Variants in RB1 observed in about 807,000 individuals in gnomAD.
RB1 encodes the protein RB transcriptional corepressor 1.
Under a neutral mutation model 135.4 loss-of-function variants are expected in RB1, and 18 were observed. The ratio of observed to expected loss-of-function variants is 0.13; its 90% CI spans 0.09 to 0.20. RB1 has a LOEUF of 0.20. Among genes scored for constraint, RB1 ranks in the 10% least tolerant of loss-of-function variants. The pLI is 1.00. For synonymous variants in RB1, 365 were observed against 373.2 expected (o/e 0.98, Z 0.25); for missense variants, 868 against 1,110.0 (o/e 0.78, Z 3.10).
At chr13:48,437,593 G>T (rs1427783668) in intron 17 of RB1, among the ~76,000 whole-genome samples, 1 of 152,174 alleles carries the variant, frequency 6.6e-6, no homozygotes, top group Non-Finnish European at 1.5e-5. Context: ...CACTCGTGTG[G>T]TTGTTGGCAG....
chr13:48,376,096 C>A (rs1215647981), intron 12 of RB1, among the ~76,000 whole-genome samples: 2 of 152,056 alleles, frequency 1.3e-5, no homozygotes, highest in Non-Finnish European at 2.9e-5. Context: ...AGCCCCACTC[C>A]AAATGATACA....
chr13:48,332,713 C>T (rs185055134), intron 2 of RB1, among the ~76,000 whole-genome samples: 1 of 152,170 alleles, frequency 6.6e-6, no homozygotes, highest in Non-Finnish European at 1.5e-5. Flanking sequence ...GACATACACA[C>T]AGACAAAATG....
In RB1 at chr13:48,344,979, G is replaced by C. The variant is rs557707018; in HGVS notation, c.381-101G>C. On this transcript the variant is annotated intron_variant, in intron 3 of 26. Transcript: ENST00000267163. ...AAGGATATAGTAGTGATTTGATGTA[G>C]AGCTGATAATCTTTTGAATTGAAAT... 9.4e-5 allele frequency: 129 copies of C among 1,367,196 alleles called. No individual in the cohort carries two copies. In the South Asian group the frequency reaches 1.6e-3, roughly 17 times the overall value. 84.7% of individuals were successfully genotyped at this position (1,367,196 alleles called of 1,614,324 possible). A position where few individuals can be genotyped will look rare whatever the true frequency, so the allele number is the denominator to read the frequency against.
At chr13:48,347,087 TA>T (rs965937105) in intron 4 of RB1, among the ~76,000 whole-genome samples, 1 of 151,998 alleles carries the variant, frequency 6.6e-6, no homozygotes, top group Non-Finnish European at 1.5e-5. Context: ...CTGTCTGAGA[TA>T]AGGAATCTGC....
chr13:48,392,390 C>T (rs1185535601), intron 17 of RB1, among the ~76,000 whole-genome samples: 2 of 152,198 alleles, frequency 1.3e-5, no homozygotes, highest in Non-Finnish European at 2.9e-5. Flanking sequence ...GGATTACAAG[C>T]ATGAGCCACC....
At chr13:48,412,699 A>C in intron 17 of RB1, 3 of 484,860 alleles carry the variant, frequency 6.2e-6, no homozygotes, top group Non-Finnish European at 1.2e-5. Context: ...CTGACGAGCA[A>C]CCTTTAAAAA....
intron 17 of RB1, among the ~76,000 whole-genome samples, chr13:48,382,716 A>T (rs1372740450): frequency 6.6e-6 from 1 of 152,036 alleles, no homozygotes; most frequent in African/African-American, 2.4e-5. Flanking sequence ...CCATTTGTCA[A>T]TTTTGGCTTT....
chr13:48,462,392 T>C (rs1283156336), intron 20 of RB1, among the ~76,000 whole-genome samples: 1 of 152,160 alleles, frequency 6.6e-6, no homozygotes, highest in Non-Finnish European at 1.5e-5. Context: ...CCCAAAGTGC[T>C]AGGATTACAG....
chr13:48,475,818 G>A (rs1335584178), intron 24 of RB1, among the ~76,000 whole-genome samples: 1 of 152,170 alleles, frequency 6.6e-6, no homozygotes, highest in Non-Finnish European at 1.5e-5. Context: ...TAAAATGTGT[G>A]TTACAAATAG....
At chr13:48,304,841 C>T (rs890323949) in intron 1 of RB1, among the ~76,000 whole-genome samples, 84 of 151,856 alleles carry the variant, frequency 5.5e-4, no homozygotes, top group African/African-American at 2.0e-3. Context: ...TCCATTTTGC[C>T]TTTTGACTTT....
intron 2 of RB1, among the ~76,000 whole-genome samples, chr13:48,329,359 T>C (rs1208843110): frequency 6.6e-6 from 1 of 152,218 alleles, no homozygotes; most frequent in African/African-American, 2.4e-5. Context: ...TACCAAACTT[T>C]GTTTATTAAG....
At chr13:48,387,038 A>G (rs537632331) in intron 17 of RB1, among the ~76,000 whole-genome samples, 2 of 152,348 alleles carry the variant, frequency 1.3e-5, no homozygotes, top group African/African-American at 4.8e-5. Flanking sequence ...AACAGTAACC[A>G]TAATTATCTG....
intron 13 of RB1, among the ~76,000 whole-genome samples, chr13:48,377,678 A>C (rs1230344657): frequency 6.6e-6 from 1 of 152,198 alleles, no homozygotes; most frequent in Non-Finnish European, 1.5e-5. Context: ...TCAGTGTTTT[A>C]AACATTGATA....
At chr13:48,444,662 G>C (rs1949271202) in intron 17 of RB1, 1 of 152,340 alleles carries the variant, frequency 6.6e-6, no homozygotes, top group African/African-American at 2.4e-5. Flanking sequence ...ACACCCTCCA[G>C]AAACCTCCAT....
At chr13:48,418,945 T>C (rs1347549894) in intron 17 of RB1, among the ~76,000 whole-genome samples, 1 of 152,120 alleles carries the variant, frequency 6.6e-6, no homozygotes. Context: ...AGTGGGAGAC[T>C]TTAACACCCC....
chr13:48,376,914 A>G lies in RB1; in HGVS notation c.1216-4A>G, dbSNP rs763895695. 13 of 1,613,408 alleles carry G rather than the reference A, an allele frequency of 8.1e-6. No homozygotes were observed. The highest frequency in any genetic ancestry group is 8.0e-5 in the African/African-American group (6 of 74,896). ...ACATTGATTTCTGTTTTTACCTCCT[A>G]AAGAACTGCACAGTGAATCCAAAAG... On this transcript the variant is annotated splice_region_variant and splice_polypyrimidine_tract_variant and intron_variant, in intron 12 of 26. Coordinates refer to ENST00000267163, the MANE Select transcript of RB1 (RefSeq NM_000321.3).
At chr13:48,425,465 G>A (rs553709687) in intron 17 of RB1, among the ~76,000 whole-genome samples, 16 of 152,346 alleles carry the variant, frequency 1.1e-4, no homozygotes, top group African/African-American at 3.8e-4. Context: ...GGTAAGGCTA[G>A]GTGGGTTGTA....
chr13:48,435,956 A>T (rs1163800230), intron 17 of RB1, among the ~76,000 whole-genome samples: 1 of 152,250 alleles, frequency 6.6e-6, no homozygotes, highest in African/African-American at 2.4e-5. Flanking sequence ...ATTAAAAGGC[A>T]GAGATTATCA....
At chr13:48,466,453 G>A (rs1332450353) in intron 23 of RB1, among the ~76,000 whole-genome samples, 3 of 144,238 alleles carry the variant, frequency 2.1e-5, no homozygotes, top group African/African-American at 7.6e-5. Flanking sequence ...CCACAAAGAT[G>A]GGGAAAAAAC....
Sources: allele counts gnomAD v4.1 joint callset (sites outside exome capture counted in the v4.1 genomes callset), GRCh38; gene constraint gnomAD v4.1.1; transcripts MANE v1.5; gene names NCBI Gene and HGNC (gene_info 2026-07-23, HGNC 2026-07-21).